COL22A1: variants seen among roughly 807,000 people sequenced by gnomAD.
The protein encoded by COL22A1 is collagen alpha-1(XXII) chain.
In COL22A1, 221 loss-of-function variants were observed where a neutral mutation model predicts 248.9. The ratio of observed to expected loss-of-function variants is 0.89; its 90% CI spans 0.80 to 0.99. The LOEUF is 0.99. Among genes scored for constraint, COL22A1 ranks in the 50% least tolerant of loss-of-function variants. COL22A1 has a pLI of 0.00. For synonymous variants in COL22A1, 891 were observed against 793.4 expected, an observed-to-expected ratio of 1.12 and a Z score of -2.07; for missense variants, 2,240 against 2,179.0, an observed-to-expected ratio of 1.03 and a Z score of -0.56.
chr8:138,718,132 G>C (rs1387873796), intron 27 of COL22A1, among the ~76,000 whole-genome samples: 2 of 149,740 alleles, frequency 1.3e-5, no homozygotes, highest in Admixed American at 6.7e-5. Flanking sequence ...AAAAAAAAAA[G>C]AAGTAATTAA....
intron 47 of COL22A1, among the ~76,000 whole-genome samples, chr8:138,642,778 C>T (rs1449272295): frequency 6.6e-6 from 1 of 152,132 alleles, no homozygotes; most frequent in South Asian, 2.1e-4. Context: ...TGCCTGTAAT[C>T]GCAGCACTTT....
chr8:138,787,423 A>T (rs529738548), intron 12 of COL22A1, among the ~76,000 whole-genome samples: 110 of 152,280 alleles, frequency 7.2e-4, no homozygotes, highest in Admixed American at 1.3e-3. Context: ...CCTGTGTCTC[A>T]GCTCCTTCAC....
chr8:138,866,267 C>T (rs943760666), intron 3 of COL22A1, among the ~76,000 whole-genome samples: 2 of 152,208 alleles, frequency 1.3e-5, no homozygotes, highest in Admixed American at 1.3e-4. Flanking sequence ...TATCCCTACT[C>T]ATTCTCTGAC....
At chr8:138,639,496 C>G (rs1821476617) in intron 47 of COL22A1, among the ~76,000 whole-genome samples, 1 of 152,150 alleles carries the variant, frequency 6.6e-6, no homozygotes, top group Non-Finnish European at 1.5e-5. Flanking sequence ...ACCATGTGCA[C>G]TGGGCATTCA....
chr8:138,708,575 G>T (rs1828684409), intron 30 of COL22A1, among the ~76,000 whole-genome samples: 1 of 152,178 alleles, frequency 6.6e-6, no homozygotes, highest in Non-Finnish European at 1.5e-5. Flanking sequence ...GGGAAAACTG[G>T]CTAGCCATAT....
In COL22A1 at chr8:138,650,738, A is replaced by C. The variant is rs968767977; in HGVS notation, c.3334-960T>G. On this transcript the variant is annotated intron_variant, in intron 45 of 64. Transcript: ENST00000303045. ...GATAGACAGATAGACAGATACACAG[A>C]TACATATAGATAGATAATGCCCACA... 3.3e-5 allele frequency among the ~76,000 whole-genome samples: 5 copies of C among 152,204 alleles called. No homozygotes were observed. The Middle Eastern group carries it at 0.014, about 414-fold the overall frequency.
chr8:138,628,688 T>C (rs1820455380), intron 50 of COL22A1, among the ~76,000 whole-genome samples: 1 of 152,092 alleles, frequency 6.6e-6, no homozygotes, highest in African/African-American at 2.4e-5. Context: ...AGTGGTCCCA[T>C]GACAGAATCA....
At chr8:138,908,006 C>G (rs908396839) in intron 1 of COL22A1, among the ~76,000 whole-genome samples, 1 of 152,170 alleles carries the variant, frequency 6.6e-6, no homozygotes, top group Non-Finnish European at 1.5e-5. Context: ...AACACCTGTC[C>G]GTCCATGCAG....
chr8:138,784,856 A>G (rs927614003), intron 12 of COL22A1, among the ~76,000 whole-genome samples: 1 of 152,156 alleles, frequency 6.6e-6, no homozygotes, highest in African/African-American at 2.4e-5. Context: ...GATTAGATTT[A>G]ATCTGCCCAA....
intron 43 of COL22A1, among the ~76,000 whole-genome samples, chr8:138,660,898 A>AT (rs1554736005): frequency 9.0e-4 from 14 of 15,496 alleles, no homozygotes; most frequent in Non-Finnish European, 3.5e-3. Context: ...ACAGACACAC[A>AT]AACACACACA....
Position 138,844,164 on chromosome 8 carries a change from G to C in COL22A1, c.659-6C>G. The C allele has an allele frequency of 1.2e-6, 2 of 1,613,968 alleles. No homozygotes were observed. Among genetic ancestry groups the C allele is most frequent in the Non-Finnish European group, 1.7e-6 (2 of 1,179,838 alleles). ...AACGCTAGGACAGAGCACATCTGAG[G>C]AAAGCAAGAGGAAACAGAGACTGAT... On this transcript the variant is annotated splice_polypyrimidine_tract_variant and splice_region_variant and intron_variant, in intron 3 of 64. Transcript: ENST00000303045.
Position 138,724,644 on chromosome 8 carries a change from G to C in COL22A1, c.2218C>G (p.Pro740Ala). Reference sequence around the variant, plus strand: ...GGCCCAGGAGGTCCAGGCTTTCCCGGGAAGCCGATCTCTCCAGGCAAACCC... The same window carrying C: ...GGCCCAGGAGGTCCAGGCTTTCCCGCGAAGCCGATCTCTCCAGGCAAACCC... ...SPGLPGEIGF[P>A]GKPGPPGPTG... Residue 740 changes from proline to alanine, a missense_variant, in exon 25 of 65, where the codon CCG becomes GCG. By Grantham distance (27) the Pro-to-Ala change is conservative. Transcript: ENST00000303045. The C allele has an allele frequency of 2.5e-6, 4 of 1,614,196 alleles. No individual in the cohort carries two copies. The highest frequency in any genetic ancestry group is 1.3e-5 in the African/African-American group (1 of 75,078).
chr8:138,698,237 G>T (rs1827670858), intron 32 of COL22A1, among the ~76,000 whole-genome samples: 1 of 152,210 alleles, frequency 6.6e-6, no homozygotes, highest in Non-Finnish European at 1.5e-5. Flanking sequence ...CAGGCAGTGT[G>T]ATGGGAAGCC....
intron 42 of COL22A1, among the ~76,000 whole-genome samples, chr8:138,663,014 A>C (rs917478051): frequency 2.0e-5 from 3 of 146,470 alleles, no homozygotes; most frequent in African/African-American, 8.2e-5. Context: ...GGACTCTGTC[A>C]CTCACACACA....
intron 5 of COL22A1, among the ~76,000 whole-genome samples, chr8:138,829,026 G>A (rs1819817664): frequency 6.6e-6 from 1 of 152,248 alleles, no homozygotes; most frequent in Admixed American, 6.5e-5. Context: ...CAGACAGGAA[G>A]GGAAGTGGGG....
At chr8:138,722,714 A>G (rs529199341) in intron 25 of COL22A1, among the ~76,000 whole-genome samples, 1 of 152,122 alleles carries the variant, frequency 6.6e-6, no homozygotes, top group South Asian at 2.1e-4. Context: ...TGAGTGACTC[A>G]CTCAAGGTCA....
chr8:138,604,804 G>A lies in COL22A1; in HGVS notation c.4105-35C>T, dbSNP rs541552488. 161 of 1,551,508 alleles carry A rather than the reference G, an allele frequency of 1.0e-4. 1 individual carries two copies. The South Asian group carries it at 1.6e-3, about 15-fold the overall frequency. ...AGAACAGAATATCAGTGGCTCTGCA[G>A]CATCAGCCCAATGTCAGTACTAAGA... On this transcript the variant is annotated intron_variant, in intron 58 of 64. Transcript: ENST00000303045.
At chr8:138,660,113 C>G (rs1823676883) in intron 44 of COL22A1, among the ~76,000 whole-genome samples, 1 of 152,204 alleles carries the variant, frequency 6.6e-6, no homozygotes, top group African/African-American at 2.4e-5. Context: ...TGTTAGGAAA[C>G]TGGAGGGTGG....
intron 4 of COL22A1, among the ~76,000 whole-genome samples, chr8:138,837,169 C>A (rs1350349640): frequency 6.6e-6 from 1 of 152,208 alleles, no homozygotes. Flanking sequence ...TGCCTGGGGA[C>A]CACAGTGGGA....
Sources: allele counts gnomAD v4.1 joint callset (sites outside exome capture counted in the v4.1 genomes callset), GRCh38; gene constraint gnomAD v4.1.1; transcripts MANE v1.5; gene names NCBI Gene and HGNC (gene_info 2026-07-23, HGNC 2026-07-21).